The following SPAG6 variants were observed in gnomAD, a reference collection of about 807,000 sequenced individuals.
The protein encoded by SPAG6 is sperm-associated antigen 6.
SPAG6 carries 49 observed loss-of-function variants against 58.5 expected under a neutral mutation model. That is an observed-to-expected ratio of 0.84 (90% CI 0.67 to 1.06). The LOEUF (loss-of-function observed/expected upper bound fraction) is 1.06, where lower values mean the gene tolerates loss of function less well. SPAG6 is among the 50% of genes least tolerant of loss of function. The pLI is 0.00. For synonymous variants in SPAG6, 233 were observed against 225.6 expected, an observed-to-expected ratio of 1.03 and a Z score of -0.29; for missense variants, 560 against 611.3, an observed-to-expected ratio of 0.92 and a Z score of 0.89.
At chr10:22,378,986 C>T (rs371630112) in intron 4 of SPAG6, among the ~76,000 whole-genome samples, 6 of 152,044 alleles carry the variant, frequency 3.9e-5, no homozygotes, top group Admixed American at 6.6e-5. Context: ...GTATGTTAAC[C>T]CTTAAGCTCT....
chr10:22,400,983 A>G (rs1045776879), intron 8 of SPAG6, among the ~76,000 whole-genome samples, 178 bp from the exon 9 acceptor site: 4 of 152,206 alleles, frequency 2.6e-5, no homozygotes, highest in Non-Finnish European at 5.9e-5. Flanking sequence ...AGGATATTCT[A>G]TGATAAAATC....
chr10:22,356,206 T>A (rs1279633529), intron 2 of SPAG6, among the ~76,000 whole-genome samples: 1 of 152,212 alleles, frequency 6.6e-6, no homozygotes, highest in African/African-American at 2.4e-5. Flanking sequence ...AGAGGTTTAT[T>A]ATTTTACTGA....
intron 4 of SPAG6, among the ~76,000 whole-genome samples, chr10:22,379,574 T>C (rs999448488): frequency 6.6e-6 from 1 of 152,186 alleles, no homozygotes. Flanking sequence ...CGAGTGTGCC[T>C]GGACACATAT....
intron 2 of SPAG6, among the ~76,000 whole-genome samples, chr10:22,353,054 T>C (rs1317825926): frequency 2.0e-5 from 3 of 152,224 alleles, no homozygotes; most frequent in Non-Finnish European, 2.9e-5. Flanking sequence ...TGTACCTTTG[T>C]ATACATATAT....
In SPAG6 at chr10:22,383,359, C is replaced by T. The variant is rs371872191; in HGVS notation, c.473-3395C>T. ...TTTTCGAGTAGAAAATACAGAAAAA[C>T]CTGGGCGCAGTGGCTCACACCTGTA... On this transcript the variant is annotated intron_variant, in intron 4 of 10. Coordinates refer to ENST00000376624, the MANE Select transcript of SPAG6 (RefSeq NM_012443.4). Among the ~76,000 whole-genome samples the T allele has an allele frequency of 4.0e-3, 601 of 151,964 alleles. 2 individuals carry two copies. The highest frequency in any genetic ancestry group is 6.5e-3 in the Non-Finnish European group (443 of 67,974).
Position 22,417,132 on chromosome 10 carries a change from T to C in SPAG6, c.*444T>C, listed in dbSNP as rs1588572745. 1 of 152,912 alleles carries C rather than the reference T, an allele frequency of 6.5e-6. No homozygotes were observed. Among genetic ancestry groups the C allele is most frequent in the Non-Finnish European group, 1.5e-5 (1 of 68,562 alleles). 9.5% of individuals were successfully genotyped at this position (152,912 alleles called of 1,614,324 possible). A position where few individuals can be genotyped will look rare whatever the true frequency, so the allele number is the denominator to read the frequency against. ...AGAAATCTTTGAAGGAGGAAACTGA[T>C]GACAGATATACAGGGCACTTGAAGG... On this transcript the variant is annotated 3_prime_UTR_variant, in exon 11 of 11. Transcript: ENST00000376624.
At chr10:22,392,008 T>C in intron 8 of SPAG6, 88 bp downstream of exon 8, 1 of 845,736 alleles carries the variant, frequency 1.2e-6, no homozygotes. Context: ...ATGGACAATA[T>C]TGTTTTATGA....
intron 8 of SPAG6, among the ~76,000 whole-genome samples, chr10:22,396,736 G>T (rs1432755694): frequency 2.6e-5 from 4 of 152,030 alleles, no homozygotes; most frequent in Non-Finnish European, 5.9e-5. Context: ...ACTTACTGTG[G>T]TTTTTCCAAT....
intron 4 of SPAG6, among the ~76,000 whole-genome samples, chr10:22,374,223 A>G (rs900930683): frequency 6.6e-6 from 1 of 152,140 alleles, no homozygotes; most frequent in Non-Finnish European, 1.5e-5. Flanking sequence ...TTATTTAACA[A>G]TGTCATCATC....
At chr10:22,371,044 A>T (rs1833673366) in intron 4 of SPAG6, among the ~76,000 whole-genome samples, 1 of 152,202 alleles carries the variant, frequency 6.6e-6, no homozygotes, top group South Asian at 2.1e-4. Flanking sequence ...TAGGGGTTCC[A>T]TTCCAAATTC....
At chr10:22,367,125 C>T (rs1837222994) in intron 3 of SPAG6, among the ~76,000 whole-genome samples, 1 of 151,640 alleles carries the variant, frequency 6.6e-6, no homozygotes, top group African/African-American at 2.4e-5. Context: ...TAGTTATAGG[C>T]ACTGGAATTA....
chr10:22,412,627 G>A (rs1834768618), intron 10 of SPAG6: 1 of 571,430 alleles, frequency 1.7e-6, no homozygotes, highest in Non-Finnish European at 2.9e-6. Flanking sequence ...CTGGAGTGCA[G>A]TAGCGCGATC....
Position 22,416,645 on chromosome 10 carries a change from C to T in SPAG6, c.1487C>T (p.Thr496Ile), listed in dbSNP as rs1298366802. 2.5e-6 allele frequency: 4 copies of T among 1,608,528 alleles called. No individual in the cohort carries two copies. The Admixed American group carries it at 5.0e-5, about 20-fold the overall frequency. Residue 496 changes from threonine to isoleucine, a missense_variant, in exon 11 of 11, where the codon ACA (threonine) becomes ATA (isoleucine). Thr to Ile is a moderately conservative substitution (Grantham distance 89). Coordinates refer to ENST00000376624, the MANE Select transcript of SPAG6 (RefSeq NM_012443.4). ...VRYYSPGYSD[T>I]LLQRVDSYQP... is the part of the protein sequence containing the mutation. ...TATTATTCCCCTGGATATTCAGATA[C>T]ACTTCTGCAGAGGGTGGACAGCTAT... is the stretch of plus-strand genomic sequence containing the variant.
At chr10:22,390,382 T>G (rs1226543732) in intron 7 of SPAG6, among the ~76,000 whole-genome samples, 1 of 152,124 alleles carries the variant, frequency 6.6e-6, no homozygotes, top group Non-Finnish European at 1.5e-5. Context: ...ACCAGGGAGC[T>G]CTCCCCTTCT....
At chr10:22,382,545 T>C (rs147174546) in intron 4 of SPAG6, among the ~76,000 whole-genome samples, 72 of 152,242 alleles carry the variant, frequency 4.7e-4, no homozygotes, top group African/African-American at 1.6e-3. Flanking sequence ...TTCTAGTATA[T>C]ATTATTAATT....
intron 10 of SPAG6, 150 bp downstream of exon 10, chr10:22,411,326 C>T (rs1433228340): frequency 1.8e-6 from 1 of 565,018 alleles, no homozygotes; most frequent in Non-Finnish European, 3.0e-6. Context: ...ATCTCTTCCC[C>T]CTGCCAAATT....
At chr10:22,398,198 T>C (rs1238751743) in intron 8 of SPAG6, among the ~76,000 whole-genome samples, 1 of 152,224 alleles carries the variant, frequency 6.6e-6, no homozygotes, top group Admixed American at 6.5e-5. Context: ...TATCCTCAAG[T>C]AAAAATATCA....
intron 10 of SPAG6, among the ~76,000 whole-genome samples, chr10:22,415,340 T>G (rs995849159): frequency 1.3e-5 from 2 of 151,958 alleles, no homozygotes; most frequent in African/African-American, 4.8e-5. Flanking sequence ...AAAATCTACC[T>G]CTTGAATTCA....
At chr10:22,378,055 CTTTTTTTTTTTT>C (rs776198268) in intron 4 of SPAG6, among the ~76,000 whole-genome samples, 1 of 123,012 alleles carries the variant, frequency 8.1e-6, no homozygotes. Context: ...CTTTTCTTTT[CTTTTTTTTTTTT>C]TTTTTTTTCT....
Sources: allele counts gnomAD v4.1 joint callset (sites outside exome capture counted in the v4.1 genomes callset), GRCh38; gene constraint gnomAD v4.1.1; transcripts MANE v1.5; gene names NCBI Gene and HGNC (gene_info 2026-07-23, HGNC 2026-07-21).